The following LHX6 variants were observed in gnomAD, a reference collection of about 807,000 sequenced individuals.
LHX6 encodes the protein LIM homeobox 6.
A neutral mutation model predicts 47.1 loss-of-function variants in LHX6; 15 were observed. The observed-to-expected ratio is 0.32, with a 90% CI of 0.21 to 0.49. LHX6 has a LOEUF of 0.49. LHX6 is among the 20% of genes least tolerant of loss of function. The probability of loss-of-function intolerance (pLI) is 0.99; values close to 1 mark genes in which losing one functional copy is unlikely to be tolerated. For synonymous variants in LHX6, 242 were observed against 233.5 expected, an observed-to-expected ratio of 1.04 and a Z score of -0.33; for missense variants, 404 against 539.6, an observed-to-expected ratio of 0.75 and a Z score of 2.49.
rs1029678696 is a variant in LHX6 at position 122,213,534 on chromosome 9, C to T, written c.1054+72G>A. 2.6e-5 allele frequency: 37 copies of T among 1,403,108 alleles called. No individual in the cohort carries two copies. The African/African-American group carries it at 3.9e-4, about 15-fold the overall frequency. The allele number at this position is 1,403,108 out of a possible 1,614,324, so 86.9% of individuals were successfully genotyped here. A position where few individuals can be genotyped will look rare whatever the true frequency, so the allele number is the denominator to read the frequency against. ...GGCCCTCCACCCCACGCCTCGGCCTCAGCCGCCCACGTGCGCTCCTCCGCG... is the reference window on the plus strand; with the variant it reads ...GGCCCTCCACCCCACGCCTCGGCCTTAGCCGCCCACGTGCGCTCCTCCGCG... On this transcript the variant is annotated intron_variant, in intron 8 of 9. Coordinates refer to ENST00000394319, the MANE Select transcript of LHX6 (RefSeq NM_014368.5). The surrounding 1 kb of genome is among the most constrained non-coding windows in gnomAD (Gnocchi z 5.5).
chr9:122,202,807 G>C lies in LHX6; in HGVS notation c.*1953C>G, dbSNP rs1043453626. 9.2e-5 allele frequency: 14 copies of C among 152,520 alleles called. No homozygotes were observed. The highest frequency in any genetic ancestry group is 3.4e-4 in the African/African-American group (14 of 41,402). 9.4% of individuals were successfully genotyped at this position (152,520 alleles called of 1,614,324 possible). On this transcript the variant is annotated 3_prime_UTR_variant, in exon 10 of 10. Coordinates refer to ENST00000394319, the MANE Select transcript of LHX6 (RefSeq NM_014368.5). ...GCTCTTAACAGGGTAGTGGAGACAT[G>C]TTTGAACTGTAACATGCTACGGCCA...
At chr9:122,228,519 A>T in intron 1 of LHX6, 138 bp downstream of exon 1, 1 of 1,210,350 alleles carries the variant, frequency 8.3e-7, no homozygotes, top group South Asian at 1.6e-5. Context: ...GCGCTCCCAC[A>T]CTCACAAGCA....
intron 4 of LHX6, among the ~76,000 whole-genome samples, chr9:122,220,108 C>G (rs890844349): frequency 3.3e-5 from 5 of 152,262 alleles, no homozygotes; most frequent in Non-Finnish European, 4.4e-5. Context: ...CTCCGCGCAC[C>G]GCGATCTTCC....
chr9:122,209,097 C>A (rs904691771), intron 9 of LHX6, among the ~76,000 whole-genome samples: 17 of 152,166 alleles, frequency 1.1e-4, no homozygotes, highest in African/African-American at 3.9e-4. Flanking sequence ...TACCTTGAAG[C>A]CCTGGAATGG....
chr9:122,213,950 A>G lies in LHX6; in HGVS notation c.879+24T>C. 2.1e-4 allele frequency: 185 copies of G among 878,326 alleles called. No individual in the cohort carries two copies. Among genetic ancestry groups the G allele is most frequent in the Non-Finnish European group, 3.0e-4 (164 of 553,562 alleles). The allele number at this position is 878,326 out of a possible 1,614,324, so 54.4% of individuals were successfully genotyped here. A position where few individuals can be genotyped will look rare whatever the true frequency, so the allele number is the denominator to read the frequency against. ...GCTCCGGGGCGTGCCCGCGGTCCCC[A>G]GGCCCCGCCCACCCCCGTCCCACCT... is the stretch of plus-strand genomic sequence containing the variant. On this transcript the variant is annotated intron_variant, in intron 7 of 9. Coordinates refer to ENST00000394319, the MANE Select transcript of LHX6 (RefSeq NM_014368.5). This position sits in a 1 kb window ranked among gnomAD's most constrained non-coding sequence, Gnocchi z 5.5.
chr9:122,217,234 C>T lies in LHX6; in HGVS notation c.516G>A (p.Trp172Ter). The T allele has an allele frequency of 6.2e-7, 1 of 1,614,042 alleles. No homozygotes were observed. The highest frequency in any genetic ancestry group is 2.2e-5 in the East Asian group (1 of 44,888). The stretch of plus-strand genomic sequence containing the variant: ...AGGCGTTGCCGCGAGCTCTCCGCAC[C>T]CAGTCGCTGGCGTAGATCTGTCGGC... ...RCGRQIYASDWVRRARGNAYH... is the reference protein window; with the variant it reads ...RCGRQIYASD Residue 172 changes from tryptophan (W) to a stop codon, truncating the protein, a stop_gained, in exon 5 of 10, where the codon TGG (tryptophan) becomes TGA (stop). Coordinates refer to ENST00000394319, the MANE Select transcript of LHX6 (RefSeq NM_014368.5). LOFTEE classifies it high-confidence loss of function. This position sits in a 1 kb window ranked among gnomAD's most constrained non-coding sequence, Gnocchi z 4.9.
At chr9:122,221,756 C>A in intron 4 of LHX6, 4 of 985,018 alleles carry the variant, frequency 4.1e-6, no homozygotes, top group Non-Finnish European at 4.8e-6. Flanking sequence ...ACACAGCGGG[C>A]GTGCCAACCA....
At position 122,217,374 on chromosome 9, in the gene LHX6, C is replaced by G; in HGVS notation, c.462-86G>C. On this transcript the variant is annotated intron_variant, in intron 4 of 9. Transcript: ENST00000394319. The surrounding 1 kb of genome is among the most constrained non-coding windows in gnomAD (Gnocchi z 4.9). ...CCACCACCCAATGGCCCGCCAGCCC[C>G]CAGGCTCCTGGCCTCTAAGTCTTCA... The G allele has an allele frequency of 8.8e-7, 1 of 1,138,052 alleles. No individual in the cohort carries two copies. Among genetic ancestry groups the G allele is most frequent in the Non-Finnish European group, 1.2e-6 (1 of 801,308 alleles). 70.5% of individuals were successfully genotyped at this position (1,138,052 alleles called of 1,614,324 possible). A position where few individuals can be genotyped will look rare whatever the true frequency, so the allele number is the denominator to read the frequency against.
Position 122,204,865 on chromosome 9 carries a change from A to G in LHX6, c.1159-85T>C, listed in dbSNP as rs562883204. On this transcript the variant is annotated intron_variant, in intron 9 of 9. Coordinates refer to ENST00000394319, the MANE Select transcript of LHX6 (RefSeq NM_014368.5). Reference sequence around the variant, plus strand: ...CCAGAGAACCTCAAAGGCACAGAGAAGAAGGGTGGACTCAGGGCCCAGATC... The same window carrying G: ...CCAGAGAACCTCAAAGGCACAGAGAGGAAGGGTGGACTCAGGGCCCAGATC... 3.4e-4 allele frequency: 322 copies of G among 936,428 alleles called. 2 individuals carry two copies. Among genetic ancestry groups the G allele is most frequent in the Non-Finnish European group, 4.5e-4 (293 of 645,250 alleles). 58.0% of individuals were successfully genotyped at this position (936,428 alleles called of 1,614,324 possible).
At chr9:122,219,291 C>T (rs959532603) in intron 4 of LHX6, among the ~76,000 whole-genome samples, 2 of 152,244 alleles carry the variant, frequency 1.3e-5, no homozygotes, top group Non-Finnish European at 2.9e-5. Context: ...GCAGGCGGCG[C>T]GGTTCCCTCA....
chr9:122,227,144 A>C, intron 2 of LHX6, 114 bp from the exon 3 acceptor site: 1 of 1,033,298 alleles, frequency 9.7e-7, no homozygotes, highest in Non-Finnish European at 1.4e-6. Flanking sequence ...TCTCCCCAGG[A>C]CAATGCGCCG....
rs1830489343 is a variant in LHX6, at chr9:122,213,917, A to T, written c.879+57T>A. ...ACGCACCACCCTCCGCGCCGAGCCC[A>T]GCTACGAGCTCCGGGGCGTGCCCGC... On this transcript the variant is annotated intron_variant, in intron 7 of 9. Coordinates refer to ENST00000394319, the MANE Select transcript of LHX6 (RefSeq NM_014368.5). This position sits in a 1 kb window ranked among gnomAD's most constrained non-coding sequence, Gnocchi z 5.5. 2 of 1,546,256 alleles carry T rather than the reference A, an allele frequency of 1.3e-6. No homozygotes were observed. The highest frequency in any genetic ancestry group is 2.3e-5 in the East Asian group (1 of 44,148).
At position 122,213,952 on chromosome 9, in the gene LHX6, G is replaced by GGCCCCCCCCCCC; in HGVS notation, c.879+21_879+22insGGGGGGGGGGGC. The GGCCCCCCCCCCC allele has an allele frequency of 6.8e-7, 1 of 1,461,946 alleles. No individual in the cohort carries two copies. The highest frequency in any genetic ancestry group is 9.5e-7 in the Non-Finnish European group (1 of 1,055,342). 90.6% of individuals were successfully genotyped at this position (1,461,946 alleles called of 1,614,324 possible). A position where few individuals can be genotyped will look rare whatever the true frequency, so the allele number is the denominator to read the frequency against. On this transcript the variant is annotated intron_variant, in intron 7 of 9. Transcript: ENST00000394319. This position sits in a 1 kb window ranked among gnomAD's most constrained non-coding sequence, Gnocchi z 5.5. Reference sequence around the variant, plus strand: ...TCCGGGGCGTGCCCGCGGTCCCCAGGCCCCGCCCACCCCCGTCCCACCTGG... The same window carrying GGCCCCCCCCCCC: ...TCCGGGGCGTGCCCGCGGTCCCCAGGGCCCCCCCCCCCCCCCGCCCACCCCCGTCCCACCTGG...
intron 4 of LHX6, among the ~76,000 whole-genome samples, chr9:122,219,940 C>T (rs528675158): frequency 6.6e-6 from 1 of 152,348 alleles, no homozygotes; most frequent in East Asian, 1.9e-4. Flanking sequence ...GCCAAGGGCC[C>T]ACGCTCCTGG....
At chr9:122,227,892 A>C in intron 1 of LHX6, 1 of 343,340 alleles carries the variant, frequency 2.9e-6, no homozygotes, top group Non-Finnish European at 5.3e-6. Flanking sequence ...AGGCCGCCCA[A>C]AGAATTGCAA....
Position 122,213,619 on chromosome 9 carries a change from G to A in LHX6, c.1041C>T (p.His347=), listed in dbSNP as rs1190677510. 1.9e-6 allele frequency: 3 copies of A among 1,600,512 alleles called. No homozygotes were observed. The highest frequency in any genetic ancestry group is 1.7e-5 in the Admixed American group (1 of 59,674). ...GCGGTTACTTACTCTCAATGTAGCC[G>A]TGCAGGGTGACCATGCGCGCCCGCT... The part of the protein sequence containing the change: ...SPERARMVTL[H]GYIESQVQCG... The change falls in exon 8 of 10, where the codon CAC becomes CAT. Residue 347 remains histidine, a synonymous_variant. Transcript: ENST00000394319. This position sits in a 1 kb window ranked among gnomAD's most constrained non-coding sequence, Gnocchi z 5.5.
chr9:122,227,610 G>A, intron 1 of LHX6, 130 bp from the exon 2 acceptor site: 1 of 1,364,810 alleles, frequency 7.3e-7, no homozygotes, highest in Non-Finnish European at 9.4e-7. Flanking sequence ...TTTGTAGTGG[G>A]CATTTAAAGC....
chr9:122,208,823 G>A (rs1830287448), intron 9 of LHX6, among the ~76,000 whole-genome samples: 1 of 121,696 alleles, frequency 8.2e-6, no homozygotes, highest in South Asian at 2.9e-4. Flanking sequence ...CGATAAGAGT[G>A]AAACTCTGTC....
chr9:122,215,098 A>G (rs1646373450), intron 5 of LHX6, among the ~76,000 whole-genome samples: 1 of 152,236 alleles, frequency 6.6e-6, no homozygotes, highest in Non-Finnish European at 1.5e-5. Context: ...ATTGTTCTGA[A>G]TATCCTCAAA....
Sources: allele counts gnomAD v4.1 joint callset (sites outside exome capture counted in the v4.1 genomes callset), GRCh38; gene constraint gnomAD v4.1.1; non-coding constraint Gnocchi (gnomAD v3.1); transcripts MANE v1.5; gene names NCBI Gene and HGNC (gene_info 2026-07-23, HGNC 2026-07-21).